The following FYB1 variants were observed in gnomAD, a reference collection of about 807,000 sequenced individuals.
FYB1 encodes the protein FYN-binding protein 1.
FYB1 carries 41 observed loss-of-function variants against 94.1 expected under a neutral mutation model. The observed-to-expected ratio is 0.44, with a 90% CI of 0.34 to 0.57. The LOEUF is 0.57. FYB1 is among the 20% of genes least tolerant of loss of function. The pLI is 0.02. For missense variants in FYB1, 1,050 were observed against 976.8 expected, an observed-to-expected ratio of 1.07 and a Z score of -1.00; for synonymous variants, 367 against 353.2, an observed-to-expected ratio of 1.04 and a Z score of -0.44.
chr5:39,175,315 G>C (rs2150408466), intron 2 of FYB1, among the ~76,000 whole-genome samples: 1 of 152,312 alleles, frequency 6.6e-6, no homozygotes, highest in Non-Finnish European at 1.5e-5. Flanking sequence ...ATCAGACAGG[G>C]AGACAGGGTT....
At chr5:39,243,145 T>C (rs1751297620) in intron 1 of FYB1, among the ~76,000 whole-genome samples, 1 of 152,076 alleles carries the variant, frequency 6.6e-6, no homozygotes, top group Non-Finnish European at 1.5e-5. Context: ...TTTAGTTTAA[T>C]TAGATCCCAT....
upstream of FYB1, among the ~76,000 whole-genome samples, chr5:39,219,970 A>T (rs1238358819): frequency 1.3e-5 from 2 of 152,166 alleles, no homozygotes; most frequent in African/African-American, 4.8e-5. Context: ...TGAGGTCAGG[A>T]GGTAAAGTGG....
chr5:39,108,266 T>C lies in FYB1; in HGVS notation c.2436-4A>G. On this transcript the variant is annotated splice_region_variant and splice_polypyrimidine_tract_variant and intron_variant, in intron 17 of 18. Coordinates refer to ENST00000512982, the MANE Select transcript of FYB1 (RefSeq NM_001465.6). ...ATCATCATAGATCTCTCCATCACTG[T>C]AAATGTAAAAAAAAATTTTTATTTT... 1 of 1,524,698 alleles carries C rather than the reference T, an allele frequency of 6.6e-7. No individual in the cohort carries two copies. Among genetic ancestry groups the C allele is most frequent in the South Asian group, 1.2e-5 (1 of 81,810 alleles). The allele number at this position is 1,524,698 out of a possible 1,614,324, so 94.4% of individuals were successfully genotyped here. A position where few individuals can be genotyped will look rare whatever the true frequency, so the allele number is the denominator to read the frequency against.
chr5:39,148,381 GTTTTTTTTTTTTTTTTTTTTTTT>G (rs538508812), intron 3 of FYB1, among the ~76,000 whole-genome samples: 671 of 38,182 alleles, frequency 0.018, 33 homozygotes, highest in Non-Finnish European at 0.023. Context: ...TTATCAGCAG[GTTTTTTTTTTTTTTTTTTTTTTT>G]TTTTTTTTTT....
chr5:39,274,415 G>T (rs917470830), exon 1 of FYB1: 1 of 152,154 alleles, frequency 6.6e-6, no homozygotes. Flanking sequence ...TTTCCAGGAA[G>T]GCTTCTCTGC....
intron 1 of FYB1, among the ~76,000 whole-genome samples, chr5:39,253,242 G>A (rs773335074): frequency 6.6e-6 from 1 of 152,186 alleles, no homozygotes; most frequent in Admixed American, 6.5e-5. Context: ...AATGTGAACT[G>A]ATGGAAACTC....
rs2150245503 is a variant in FYB1 at position 39,105,902 on chromosome 5, TTGA to T, written c.*1538_*1540del. ...AAATCTATATATTGACCAGTGGAAG[TTGA>T]TGATTTGTTATCAAATTTCAAAGCA... On this transcript the variant is annotated 3_prime_UTR_variant, in exon 19 of 19. Transcript: ENST00000512982. 1 of 152,248 alleles carries T rather than the reference TTGA, an allele frequency of 6.6e-6. No individual in the cohort carries two copies. The highest frequency in any genetic ancestry group is 1.9e-4 in the East Asian group (1 of 5,178). The allele number at this position is 152,248 out of a possible 1,614,324, so 9.4% of individuals were successfully genotyped here. A position where few individuals can be genotyped will look rare whatever the true frequency, so the allele number is the denominator to read the frequency against.
intron 16 of FYB1, among the ~76,000 whole-genome samples, chr5:39,114,612 C>T (rs1017641018): frequency 6.6e-6 from 1 of 152,110 alleles, no homozygotes; most frequent in African/African-American, 2.4e-5. Context: ...AAATAAGGAA[C>T]CAAAAGATTT....
intron 2 of FYB1, among the ~76,000 whole-genome samples, chr5:39,192,947 C>T (rs1002028724): frequency 6.6e-6 from 1 of 152,214 alleles, no homozygotes; most frequent in African/African-American, 2.4e-5. Context: ...ACTCTCCCAT[C>T]CAGTGTTCTG....
intron 1 of FYB1, among the ~76,000 whole-genome samples, chr5:39,218,502 G>A (rs1750051889): frequency 6.6e-6 from 1 of 152,032 alleles, no homozygotes; most frequent in African/African-American, 2.4e-5. Flanking sequence ...TGTTTCCCAC[G>A]CAGAATTATT....
At chr5:39,183,026 T>G (rs1746401035) in intron 2 of FYB1, among the ~76,000 whole-genome samples, 1 of 152,180 alleles carries the variant, frequency 6.6e-6, no homozygotes, top group Non-Finnish European at 1.5e-5. Flanking sequence ...TGTTTCCTTT[T>G]TTGGGGGGTA....
Position 39,118,976 on chromosome 5 carries a change from T to G in FYB1, c.2299A>C (p.Lys767Gln), listed in dbSNP as rs1739825769. 1 of 1,563,448 alleles carries G rather than the reference T, an allele frequency of 6.4e-7. No homozygotes were observed. Among genetic ancestry groups the G allele is most frequent in the Non-Finnish European group, 8.7e-7 (1 of 1,145,732 alleles). Residue 767 changes from lysine to glutamine, a missense_variant, in exon 16 of 19, where the codon AAG (lysine) becomes CAG (glutamine). Transcript: ENST00000512982. ...TKVTTSITSK[K>Q]WGTRDLQVKP... is the part of the protein sequence containing the mutation. The stretch of plus-strand genomic sequence containing the variant: ...ACCTGTAGATCTCTGGTTCCCCACT[T>G]TTTAGAAGTTATGGAAGTTGTAACT...
intron 1 of FYB1, among the ~76,000 whole-genome samples, chr5:39,266,982 A>G (rs190909860): frequency 6.6e-6 from 1 of 152,238 alleles, no homozygotes; most frequent in Non-Finnish European, 1.5e-5. Context: ...AATGTAGAGG[A>G]GCTCCGGCTC....
At chr5:39,247,839 T>C (rs1294579519) in intron 1 of FYB1, among the ~76,000 whole-genome samples, 1 of 151,970 alleles carries the variant, frequency 6.6e-6, no homozygotes, top group South Asian at 2.1e-4. Context: ...CATTGAAAGT[T>C]TGATGCATTG....
chr5:39,128,277 A>G (rs1740870931), intron 10 of FYB1, among the ~76,000 whole-genome samples: 1 of 152,152 alleles, frequency 6.6e-6, no homozygotes, highest in Non-Finnish European at 1.5e-5. Context: ...TTTAAAATAC[A>G]TATTTTTGAA....
chr5:39,171,932 G>A (rs1399115025), intron 2 of FYB1, among the ~76,000 whole-genome samples: 2 of 152,142 alleles, frequency 1.3e-5, no homozygotes, highest in African/African-American at 4.8e-5. Flanking sequence ...GGACAAACGA[G>A]GAAGTGACAA....
At chr5:39,210,760 T>C (rs531785836) in intron 1 of FYB1, among the ~76,000 whole-genome samples, 10 of 152,338 alleles carry the variant, frequency 6.6e-5, no homozygotes, top group Middle Eastern at 6.8e-3. Flanking sequence ...CCTGTGGTCC[T>C]AGCTACTCAG....
At chr5:39,120,025 TA>T (rs529600228) in intron 14 of FYB1, among the ~76,000 whole-genome samples, 272 of 152,272 alleles carry the variant, frequency 1.8e-3, no homozygotes, top group African/African-American at 6.1e-3. Flanking sequence ...AAAGGCTTTT[TA>T]AAAAAGAAGA....
chr5:39,249,236 A>T (rs1164175624), intron 1 of FYB1, among the ~76,000 whole-genome samples: 1 of 152,206 alleles, frequency 6.6e-6, no homozygotes, highest in African/African-American at 2.4e-5. Context: ...CTTACATGTG[A>T]TATCATGAAG....
Sources: gnomAD v4.1 joint callset for allele counts (sites outside exome capture counted in the v4.1 genomes callset) on GRCh38, gnomAD v4.1.1 for gene constraint, MANE v1.5 for transcripts, NCBI Gene and HGNC (gene_info 2026-07-23, HGNC 2026-07-21) for gene names.